Variants in BRD4 observed in about 807,000 individuals in gnomAD.
BRD4 encodes bromodomain-containing protein 4.
Under a neutral mutation model 142.1 loss-of-function variants are expected in BRD4, and 16 were observed. That is an observed-to-expected ratio of 0.11 (90% CI 0.08 to 0.17). The LOEUF (loss-of-function observed/expected upper bound fraction) is 0.17. Among genes scored for constraint, BRD4 ranks in the 10% least tolerant of loss-of-function variants. BRD4 has a pLI of 1.00. For missense variants in BRD4, 1,424 were observed against 1,810.9 expected (o/e 0.79, Z 3.88); for synonymous variants, 833 against 707.5 (o/e 1.18, Z -2.82).
chr19:15,329,019 C>T (rs1339845133), intron 1 of BRD4, among the ~76,000 whole-genome samples: 3 of 151,860 alleles, frequency 2.0e-5, no homozygotes, highest in East Asian at 1.9e-4. Context: ...GTGATCTGCC[C>T]GCCTCGGCCT....
chr19:15,274,972 C>T (rs1016861396), intron 1 of BRD4, among the ~76,000 whole-genome samples: 18 of 152,040 alleles, frequency 1.2e-4, no homozygotes, highest in Non-Finnish European at 7.4e-5. Context: ...GATTCTCCCA[C>T]CTCAGCCTCC....
chr19:15,242,161 C>T (rs1226769168), intron 14 of BRD4, among the ~76,000 whole-genome samples: 1 of 152,102 alleles, frequency 6.6e-6, no homozygotes, highest in Non-Finnish European at 1.5e-5. Context: ...AGCCCTGCCT[C>T]GTTGCTTGAT....
chr19:15,318,782 G>GCCCTAGTTCCAAGA (rs1368942581), intron 1 of BRD4, among the ~76,000 whole-genome samples: 1 of 151,920 alleles, frequency 6.6e-6, no homozygotes, highest in Non-Finnish European at 1.5e-5. Flanking sequence ...TCAGTGTAGA[G>GCCCTAGTTCCAAGA]CCCTAGTTCC....
chr19:15,308,653 G>A (rs1568406941), intron 1 of BRD4, among the ~76,000 whole-genome samples: 1 of 151,358 alleles, frequency 6.6e-6, no homozygotes, highest in Admixed American at 6.6e-5. Context: ...ATAAAAATTT[G>A]TAAGAAAAAA....
At position 15,236,549 on chromosome 19, in the gene BRD4, G is replaced by A. The variant is rs889080163; in HGVS notation, c.*1828C>T. ...GGGACAGGATGGAGTAGGGTGGAGGGGAAGAATACTGTCTGGAGTCTGGCC... is the reference window on the plus strand; with the variant it reads ...GGGACAGGATGGAGTAGGGTGGAGGAGAAGAATACTGTCTGGAGTCTGGCC... On this transcript the variant is annotated 3_prime_UTR_variant, in exon 20 of 20. Coordinates refer to ENST00000679869, the MANE Select transcript of BRD4 (RefSeq NM_001379291.1). The A allele has an allele frequency of 6.5e-6, 1 of 152,792 alleles. No individual in the cohort carries two copies. Among genetic ancestry groups the A allele is most frequent in the African/African-American group, 2.4e-5 (1 of 41,366 alleles). 9.5% of individuals were successfully genotyped at this position (152,792 alleles called of 1,614,324 possible).
At chr19:15,268,466 G>A (rs1408178649) in intron 3 of BRD4, among the ~76,000 whole-genome samples, 2 of 146,684 alleles carry the variant, frequency 1.4e-5, no homozygotes, top group East Asian at 2.1e-4. Flanking sequence ...GCTCTGCGCC[G>A]GCCCCATCAC....
chr19:15,248,611 G>C lies in BRD4; in HGVS notation c.2159-3849C>G, dbSNP rs1469329241. The C allele has an allele frequency of 2.2e-5, 5 of 226,690 alleles. No individual in the cohort carries two copies. The East Asian group carries it at 2.5e-4, about 12-fold the overall frequency. The allele number at this position is 226,690 out of a possible 1,614,324, so 14.0% of individuals were successfully genotyped here. On this transcript the variant is annotated intron_variant, in intron 11 of 19. Coordinates refer to ENST00000679869, the MANE Select transcript of BRD4 (RefSeq NM_001379291.1). ...AACTTAAGCTTTTGGAAATGCACGG[G>C]AACAATGGAGACGAAGGAGGAAAGA... is the stretch of plus-strand genomic sequence containing the variant.
rs745904226 is a variant in BRD4 at position 15,253,825 on chromosome 19, C to G, written c.2158+327G>C. 2.6e-5 allele frequency: 39 copies of G among 1,517,524 alleles called. No individual in the cohort carries two copies. The East Asian group carries it at 8.9e-4, about 35-fold the overall frequency. 94.0% of individuals were successfully genotyped at this position (1,517,524 alleles called of 1,614,324 possible). The stretch of plus-strand genomic sequence containing the variant: ...CAAGGTCAACAGCACAGCCTGGACC[C>G]CCACGCCCACAGTCCTCATGGCCCA... On this transcript the variant is annotated intron_variant, in intron 11 of 19. Coordinates refer to ENST00000679869, the MANE Select transcript of BRD4 (RefSeq NM_001379291.1).
intron 1 of BRD4, among the ~76,000 whole-genome samples, chr19:15,287,745 A>G (rs1568399067): frequency 4.0e-5 from 6 of 151,174 alleles, no homozygotes; most frequent in Admixed American, 3.9e-4. Context: ...AACGTCTTCT[A>G]GGTTCATCCA....
chr19:15,242,681 G>A (rs76787725), intron 14 of BRD4, among the ~76,000 whole-genome samples: 282 of 152,190 alleles, frequency 1.9e-3, no homozygotes, highest in African/African-American at 5.9e-3. Context: ...GGACCAGAGG[G>A]GCCTTATTCT....
rs1438249520 is a variant in BRD4, at chr19:15,256,098, T to G, written c.1717A>C (p.Thr573Pro). 1.2e-6 allele frequency: 2 copies of G among 1,611,724 alleles called. No homozygotes were observed. The highest frequency in any genetic ancestry group is 1.7e-6 in the Non-Finnish European group (2 of 1,179,860). ...CTGTTGCTGCTATTATTTTTCTTCG[T>G]CTTTTTAGGAGGAGGTTCCTTGGCT... ...SKAKEPPPKK[T>P]KKNNSSNSNV... The change falls in exon 9 of 20, where the codon ACG becomes CCG. Residue 573 changes from threonine to proline, a missense_variant. Coordinates refer to ENST00000679869, the MANE Select transcript of BRD4 (RefSeq NM_001379291.1).
At chr19:15,330,444 C>A (rs1486082881) in intron 1 of BRD4, among the ~76,000 whole-genome samples, 1 of 152,128 alleles carries the variant, frequency 6.6e-6, no homozygotes, top group Non-Finnish European at 1.5e-5. Context: ...TAATCCCCAC[C>A]CAAATTAAAC....
At chr19:15,296,818 T>C (rs2047826717) in intron 1 of BRD4, among the ~76,000 whole-genome samples, 1 of 152,234 alleles carries the variant, frequency 6.6e-6, no homozygotes, top group African/African-American at 2.4e-5. Flanking sequence ...AGGAGTTGTG[T>C]TGACAGAGAC....
At chr19:15,280,426 C>T in intron 1 of BRD4, 2 of 1,014,664 alleles carry the variant, frequency 2.0e-6, no homozygotes, top group Non-Finnish European at 2.4e-6. Context: ...TTAAGTCAGA[C>T]TTCTAGCAGT....
At chr19:15,278,507 C>A (rs1401087607) in intron 1 of BRD4, among the ~76,000 whole-genome samples, 2 of 144,488 alleles carry the variant, frequency 1.4e-5, no homozygotes, top group Non-Finnish European at 3.0e-5. Context: ...TGTACTCCAG[C>A]CTGGGCAACA....
chr19:15,288,131 A>G (rs2047754050), intron 1 of BRD4, among the ~76,000 whole-genome samples: 1 of 152,136 alleles, frequency 6.6e-6, no homozygotes, highest in South Asian at 2.1e-4. Context: ...CCATCCATCA[A>G]TGGACACAGG....
At chr19:15,244,118 G>A (rs1181681510) in intron 13 of BRD4, 113 bp downstream of exon 13, 2 of 1,525,306 alleles carry the variant, frequency 1.3e-6, no homozygotes, top group South Asian at 2.4e-5. Flanking sequence ...CTTCCCTCTA[G>A]AGACCAGAGC....
chr19:15,312,139 G>A (rs938228016), intron 1 of BRD4, among the ~76,000 whole-genome samples: 6 of 152,198 alleles, frequency 3.9e-5, no homozygotes, highest in African/African-American at 7.2e-5. Flanking sequence ...CCCTCACAGG[G>A]CTGGGTCAAA....
rs200691233 is a variant in BRD4, at chr19:15,238,452, G to A, written c.4021-7C>T. 6.2e-6 allele frequency: 10 copies of A among 1,613,964 alleles called. No homozygotes were observed. The highest frequency in any genetic ancestry group is 1.7e-5 in the Admixed American group (1 of 60,002). On this transcript the variant is annotated splice_region_variant and splice_polypyrimidine_tract_variant and intron_variant, in intron 19 of 19. Transcript: ENST00000679869. The surrounding 1 kb of genome is among the most constrained non-coding windows in gnomAD (Gnocchi z 7.2). ...TGTCAATGGTAGCTGCCATCTGGAG[G>A]AGAAAGGAAGGAGGGAGTCAGGAGG...
Sources: allele counts gnomAD v4.1 joint callset (sites outside exome capture counted in the v4.1 genomes callset), GRCh38; gene constraint gnomAD v4.1.1; non-coding constraint Gnocchi (gnomAD v3.1); transcripts MANE v1.5; gene names NCBI Gene and HGNC (gene_info 2026-07-23, HGNC 2026-07-21).